The following KLHL13 variants were observed in gnomAD, a reference collection of about 807,000 sequenced individuals.
KLHL13 encodes the protein kelch like family member 13, also known as kelch-like protein 13.
KLHL13 carries 10 observed loss-of-function variants against 37.1 expected under a neutral mutation model. The observed-to-expected ratio is 0.27, with a 90% CI of 0.17 to 0.46. The LOEUF (loss-of-function observed/expected upper bound fraction) is 0.46. Ranked by LOEUF, KLHL13 falls within the 20% of genes least tolerant of loss-of-function variation. The pLI is 1.00. For missense variants in KLHL13, 360 were observed against 509.3 expected (o/e 0.71, Z 2.82); for synonymous variants, 163 against 181.2 (o/e 0.90, Z 0.81).
At chrX:118,001,827 C>G (rs1016995867) in intron 1 of KLHL13, among the ~76,000 whole-genome samples, 1 of 101,364 alleles carries the variant, frequency 9.9e-6, no homozygotes, top group South Asian at 5.0e-4. Flanking sequence ...AAGCCAAGAT[C>G]GTGCCACTGC....
At chrX:117,985,669 C>A (rs767535138) in intron 1 of KLHL13, among the ~76,000 whole-genome samples, 97 of 110,086 alleles carry the variant, frequency 8.8e-4, no homozygotes, top group African/African-American at 3.2e-3. Context: ...GGAAATCCAA[C>A]TTAGAAAAAA....
intron 1 of KLHL13, among the ~76,000 whole-genome samples, chrX:118,075,255 T>A (rs921528872): frequency 9.0e-6 from 1 of 111,520 alleles, no homozygotes; most frequent in Non-Finnish European, 1.9e-5. Context: ...ACGATGAGAA[T>A]TAGCAAGTGA....
In KLHL13 at chrX:117,973,614, T is replaced by C. The variant is rs12853965; in HGVS notation, c.-786A>G. 7.4e-4 allele frequency: 646 copies of C among 873,234 alleles called. 6 individuals carry two copies. The African/African-American group carries it at 0.012, about 17-fold the overall frequency. The allele number at this position is 873,234 out of a possible 1,213,427, so 72.0% of individuals were successfully genotyped here. On this transcript the variant is annotated 5_prime_UTR_variant, in exon 1 of 7. Coordinates refer to ENST00000262820, the Ensembl canonical transcript of KLHL13. ...TAGTAGCTTCTGATTCAAGTTGCTC[T>C]CCTTTCCCTATTCTTATTTCCAAGC... is the stretch of plus-strand genomic sequence containing the variant.
At chrX:118,081,373 C>G (rs1466108569) in intron 1 of KLHL13, among the ~76,000 whole-genome samples, 1 of 111,681 alleles carries the variant, frequency 9.0e-6, no homozygotes, top group East Asian at 2.8e-4. Context: ...ATCATGGGAG[C>G]ATGGGTTTTG....
intron 1 of KLHL13, among the ~76,000 whole-genome samples, chrX:118,098,523 T>C (rs1438447542): frequency 1.8e-5 from 2 of 110,810 alleles, no homozygotes; most frequent in Non-Finnish European, 3.8e-5. Flanking sequence ...GTGGGGATTC[T>C]TCAGGGATCT....
At chrX:118,084,868 T>C (rs752500785) in intron 1 of KLHL13, among the ~76,000 whole-genome samples, 2 of 109,412 alleles carry the variant, frequency 1.8e-5, no homozygotes, top group African/African-American at 3.3e-5. Flanking sequence ...TCTACAAAAA[T>C]AGAAAAATTA....
intron 1 of KLHL13, among the ~76,000 whole-genome samples, chrX:118,103,506 T>C (rs760763065): frequency 8.9e-6 from 1 of 111,997 alleles, no homozygotes. Flanking sequence ...CATTTCAAGA[T>C]CATTCTGAAA....
At chrX:117,966,549 G>GA (rs1248785406) in intron 1 of KLHL13, among the ~76,000 whole-genome samples, 1 of 111,311 alleles carries the variant, frequency 9.0e-6, no homozygotes. Flanking sequence ...CACAGAATGG[G>GA]AAAAAACTAC....
intron 1 of KLHL13, among the ~76,000 whole-genome samples, chrX:117,991,324 G>A (rs979590345): frequency 5.5e-5 from 6 of 109,963 alleles, no homozygotes; most frequent in Non-Finnish European, 7.6e-5. Flanking sequence ...AGACAGCCAA[G>A]GAGAGAGATA....
intron 1 of KLHL13, among the ~76,000 whole-genome samples, chrX:118,102,044 G>T (rs944869555): frequency 5.4e-5 from 6 of 111,790 alleles, no homozygotes; most frequent in African/African-American, 2.0e-4. Context: ...CTAGTTTGGG[G>T]AAGTCCAAGT....
chrX:117,969,974 G>A (rs145899652), intron 1 of KLHL13, among the ~76,000 whole-genome samples: 7,011 of 111,312 alleles, frequency 0.063, 538 homozygotes, highest in African/African-American at 0.21. Flanking sequence ...CTTGCTGCTC[G>A]ATGTTTGCAG....
intron 1 of KLHL13, among the ~76,000 whole-genome samples, chrX:117,988,951 A>G (rs1402694536): frequency 8.9e-6 from 1 of 112,043 alleles, no homozygotes; most frequent in African/African-American, 3.2e-5. Context: ...AGTTACACTG[A>G]GAATTTGAAA....
chrX:117,992,275 A>T lies in KLHL13; in HGVS notation c.-55-46700T>A, dbSNP rs191897756. Among the ~76,000 whole-genome samples, 71 of 107,668 alleles carry T rather than the reference A, an allele frequency of 6.6e-4. 1 individual carries two copies. Among genetic ancestry groups the T allele is most frequent in the African/African-American group, 2.4e-3 (69 of 29,229 alleles). 93.5% of individuals were successfully genotyped at this position (107,668 alleles called of 115,157 possible). A position where few individuals can be genotyped will look rare whatever the true frequency, so the allele number is the denominator to read the frequency against. The stretch of plus-strand genomic sequence containing the variant: ...GGTGCAGAAAGGGTCATAGGAGAAC[A>T]ACAAATCTCAATTTCTCTATCACTC... On this transcript the variant is annotated intron_variant, in intron 1 of 6. Coordinates refer to the KLHL13 transcript ENST00000371882.
intron 1 of KLHL13, among the ~76,000 whole-genome samples, chrX:118,003,599 CAAATT>C (rs2053949808): frequency 9.1e-6 from 1 of 110,406 alleles, no homozygotes; most frequent in African/African-American, 3.3e-5. Context: ...AACCAGTAAA[CAAATT>C]AATATTAATC....
intron 1 of KLHL13, among the ~76,000 whole-genome samples, chrX:118,106,074 T>A (rs2148184130): frequency 9.5e-6 from 1 of 105,746 alleles, no homozygotes; most frequent in East Asian, 3.0e-4. Context: ...GCTATTTTTT[T>A]TTTTTTTTTG....
At chrX:117,929,549 T>TA (rs2147739112) in intron 2 of KLHL13, among the ~76,000 whole-genome samples, 1 of 110,800 alleles carries the variant, frequency 9.0e-6, no homozygotes, top group South Asian at 3.8e-4. Flanking sequence ...TAAATCACCA[T>TA]ACTAACAGAC....
chrX:117,924,867 C>G lies in KLHL13; in HGVS notation c.241-4497G>C, dbSNP rs184608137. Among the ~76,000 whole-genome samples, 328 of 110,401 alleles carry G rather than the reference C, an allele frequency of 3.0e-3. 2 individuals are homozygous for G. Among genetic ancestry groups the G allele is most frequent in the Admixed American group, 0.028 (284 of 10,274 alleles). The stretch of plus-strand genomic sequence containing the variant: ...AGCGTCATTTAATGCTATTTTGATG[C>G]TGGAAAATAGCATTTTAATGCTATT... On this transcript the variant is annotated intron_variant, in intron 2 of 6. Coordinates refer to ENST00000262820, the Ensembl canonical transcript of KLHL13.
intron 1 of KLHL13, among the ~76,000 whole-genome samples, chrX:118,006,080 C>T (rs779750304): frequency 9.0e-6 from 1 of 111,531 alleles, no homozygotes; most frequent in African/African-American, 3.3e-5. Context: ...GGTTGAGTTT[C>T]CATTCTATTT....
At chrX:118,092,792 A>C (rs779685264) in intron 1 of KLHL13, among the ~76,000 whole-genome samples, 1 of 111,746 alleles carries the variant, frequency 8.9e-6, no homozygotes, top group South Asian at 3.8e-4. Context: ...CATTGTACCA[A>C]TATCAATTTC....
Sources: gnomAD v4.1 joint callset for allele counts (sites outside exome capture counted in the v4.1 genomes callset) on GRCh38, gnomAD v4.1.1 for gene constraint, MANE v1.5 for transcripts, NCBI Gene and HGNC (gene_info 2026-07-23, HGNC 2026-07-21) for gene names.